The following SLC4A1AP variants were observed in gnomAD, a reference collection of about 807,000 sequenced individuals.
SLC4A1AP encodes the protein solute carrier family 4 member 1 adaptor protein.
A neutral mutation model predicts 89.7 loss-of-function variants in SLC4A1AP; 64 were observed. The ratio of observed to expected loss-of-function variants is 0.71; its 90% confidence interval spans 0.58 to 0.88. The LOEUF is 0.88. SLC4A1AP is among the 40% of genes least tolerant of loss of function. The pLI, the probability that SLC4A1AP is intolerant of heterozygous loss-of-function variation, is 0.00. For missense variants in SLC4A1AP, 931 were observed against 965.0 expected, an observed-to-expected ratio of 0.96 and a Z score of 0.47; for synonymous variants, 366 against 353.3, an observed-to-expected ratio of 1.04 and a Z score of -0.40.
At chr2:27,672,106 A>G (rs1206740135) in intron 5 of SLC4A1AP, among the ~76,000 whole-genome samples, 1 of 152,116 alleles carries the variant, frequency 6.6e-6, no homozygotes, top group African/African-American at 2.4e-5. Flanking sequence ...TAAAGGTTCT[A>G]AAACTATGAA....
chr2:27,669,905 C>T (rs1325411148), intron 5 of SLC4A1AP, among the ~76,000 whole-genome samples: 1 of 152,104 alleles, frequency 6.6e-6, no homozygotes, highest in East Asian at 1.9e-4. Flanking sequence ...CTCTTGTTGC[C>T]CAGGCTAGAG....
At chr2:27,665,406 G>T in intron 2 of SLC4A1AP, 111 bp downstream of exon 2, 1 of 872,184 alleles carries the variant, frequency 1.1e-6, no homozygotes. Context: ...GAGATAGATA[G>T]GGCAAACACA....
intron 7 of SLC4A1AP, 147 bp from the exon 8 acceptor site, chr2:27,677,591 T>C: frequency 2.8e-6 from 2 of 701,782 alleles, no homozygotes. Context: ...TCCCAAGGTC[T>C]CATGGCTATA....
intron 2 of SLC4A1AP, 67 bp downstream of exon 2, chr2:27,665,362 T>C: frequency 7.4e-7 from 1 of 1,347,286 alleles, no homozygotes; most frequent in South Asian, 1.5e-5. Context: ...CCCTTAAATG[T>C]TTTTTTAAAT....
rs764220113 is a variant in SLC4A1AP, at chr2:27,665,091, G to A, written c.826-9G>A. The stretch of plus-strand genomic sequence containing the variant: ...TAAATAAATAACCTTTTTTTCCTTG[G>A]TTCATCAGGGACCAGAGGAAGACCG... On this transcript the variant is annotated splice_polypyrimidine_tract_variant and intron_variant, in intron 1 of 13. Coordinates refer to ENST00000613058, the Ensembl canonical transcript of SLC4A1AP. 9 of 1,598,626 alleles carry A rather than the reference G, an allele frequency of 5.6e-6. No individual in the cohort carries two copies. In the Middle Eastern group the frequency reaches 5.0e-4, roughly 89 times the overall value.
chr2:27,671,988 ACAT>A (rs1343620252), intron 5 of SLC4A1AP, among the ~76,000 whole-genome samples: 1 of 152,230 alleles, frequency 6.6e-6, no homozygotes, highest in East Asian at 1.9e-4. Context: ...TTCTTATTTT[ACAT>A]TCAGTGTTGC....
rs765010101 is a variant in SLC4A1AP at position 27,687,919 on chromosome 2, T to TA, written c.2117-14dup. 6.3e-7 allele frequency: 1 copy of TA among 1,591,930 alleles called. No individual in the cohort carries two copies. On this transcript the variant is annotated splice_polypyrimidine_tract_variant and intron_variant, in intron 10 of 13. Coordinates refer to ENST00000613058, the Ensembl canonical transcript of SLC4A1AP. The stretch of plus-strand genomic sequence containing the variant: ...ATTAAATCATGACAATATGATTTGA[T>TA]ATTGCTTTTTATAGAAAACATGTCT...
At position 27,664,258 on chromosome 2, in the gene SLC4A1AP, TAG is replaced by T. The variant is rs746188113; in HGVS notation, c.510_511del (p.Glu170AspfsTer12). Reference sequence around the variant, plus strand: ...GGCCCTGCCACAGCCCCCTACAGCTTAGAGACCCTGAAGGGCGGCACTATCCT... The same window carrying T: ...GGCCCTGCCACAGCCCCCTACAGCTTAGACCCTGAAGGGCGGCACTATCCT... On this transcript the variant is annotated frameshift_variant, in exon 1 of 14. Transcript: ENST00000613058. LOFTEE classifies it high-confidence loss of function. 1 of 1,614,152 alleles carries T rather than the reference TAG, an allele frequency of 6.2e-7. No individual in the cohort carries two copies. The highest frequency in any genetic ancestry group is 8.5e-7 in the Non-Finnish European group (1 of 1,180,034).
intron 10 of SLC4A1AP, among the ~76,000 whole-genome samples, chr2:27,686,234 C>T (rs949572496): frequency 3.9e-5 from 6 of 152,158 alleles, no homozygotes; most frequent in Admixed American, 3.9e-4. Context: ...GTCTGGGAAA[C>T]AGAAAAGTTA....
chr2:27,682,493 C>T (rs1675634980), intron 9 of SLC4A1AP, 134 bp downstream of exon 9: 2 of 512,032 alleles, frequency 3.9e-6, no homozygotes, highest in Non-Finnish European at 6.9e-6. Flanking sequence ...TTGGTATGAT[C>T]ACATCTTTCC....
At chr2:27,685,630 G>A (rs553863175) in intron 10 of SLC4A1AP, among the ~76,000 whole-genome samples, 19 of 152,184 alleles carry the variant, frequency 1.2e-4, no homozygotes, top group African/African-American at 4.1e-4. Flanking sequence ...GGTGGTCTCC[G>A]GATAAGTCAA....
chr2:27,668,655 G>T lies in SLC4A1AP; in HGVS notation c.1145-188G>T, dbSNP rs934043917. 4 of 697,230 alleles carry T rather than the reference G, an allele frequency of 5.7e-6. No individual in the cohort carries two copies. In the East Asian group the frequency reaches 1.1e-4, roughly 19 times the overall value. The allele number at this position is 697,230 out of a possible 1,614,324, so 43.2% of individuals were successfully genotyped here. A position where few individuals can be genotyped will look rare whatever the true frequency, so the allele number is the denominator to read the frequency against. On this transcript the variant is annotated intron_variant, in intron 3 of 13. Coordinates refer to ENST00000613058, the Ensembl canonical transcript of SLC4A1AP. The stretch of plus-strand genomic sequence containing the variant: ...TGTACAGATGGGGTTTTGCCATGTT[G>T]CACAGACTGGTTTCGCGCTCCTTAA...
At chr2:27,664,633 C>A in intron 1 of SLC4A1AP, 56 bp downstream of exon 1, 2 of 1,320,466 alleles carry the variant, frequency 1.5e-6, no homozygotes, top group Non-Finnish European at 2.1e-6. Flanking sequence ...CGTTCTTGTG[C>A]TTCTTAAGCT....
At chr2:27,665,180 G>A (rs772477961) in exon 2 of SLC4A1AP, 3 of 1,613,868 alleles carry the variant, frequency 1.9e-6, no homozygotes, top group Non-Finnish European at 2.5e-6. Flanking sequence ...AGCAAATATT[G>A]TTGGAGAAGA....
At chr2:27,669,925 G>A (rs141085316) in intron 5 of SLC4A1AP, among the ~76,000 whole-genome samples, 2,594 of 152,146 alleles carry the variant, frequency 0.017, 78 homozygotes, top group African/African-American at 0.057. Context: ...GTGCAATGGC[G>A]CAATCTCACC....
chr2:27,672,300 T>C (rs891730200), intron 5 of SLC4A1AP, among the ~76,000 whole-genome samples: 4 of 151,496 alleles, frequency 2.6e-5, no homozygotes, highest in African/African-American at 7.4e-5. Flanking sequence ...TTAAGTTTTT[T>C]TTCTTCTTTT....
chr2:27,692,428 T>C (rs1675803017), intron 12 of SLC4A1AP: 2 of 152,254 alleles, frequency 1.3e-5, no homozygotes, highest in Admixed American at 6.5e-5. Context: ...TGGTCTATCT[T>C]GGAGAATATT....
At chr2:27,693,624 C>A in intron 12 of SLC4A1AP, 61 bp from the exon 13 acceptor site, 1 of 1,353,332 alleles carries the variant, frequency 7.4e-7, no homozygotes, top group Non-Finnish European at 1.0e-6. Context: ...ATCCCTTCTG[C>A]AGTTGTAAGG....
chr2:27,691,800 G>A (rs996494083), intron 12 of SLC4A1AP: 1 of 152,028 alleles, frequency 6.6e-6, no homozygotes, highest in Non-Finnish European at 1.5e-5. Flanking sequence ...ATGTTGACCA[G>A]GCTCGTCTTG....
Sources: allele counts gnomAD v4.1 joint callset (sites outside exome capture counted in the v4.1 genomes callset), GRCh38; gene constraint gnomAD v4.1.1; transcripts MANE v1.5; gene names NCBI Gene and HGNC (gene_info 2026-07-23, HGNC 2026-07-21).